The following HYDIN variants were observed in gnomAD, a reference collection of about 807,000 sequenced individuals.
HYDIN encodes the protein axonemal central pair apparatus protein HYDIN.
In HYDIN, 132 loss-of-function variants were observed where a neutral mutation model predicts 403.9. The ratio of observed to expected loss-of-function variants is 0.33; its 90% CI spans 0.28 to 0.38. HYDIN has a LOEUF of 0.38. Among genes scored for constraint, HYDIN ranks in the 10% least tolerant of loss-of-function variants. The probability of loss-of-function intolerance (pLI) is 1.00; values close to 1 mark genes in which losing one functional copy is unlikely to be tolerated. For synonymous variants in HYDIN, 1,202 were observed against 1,891.7 expected, an observed-to-expected ratio of 0.64 and a Z score of 9.46; for missense variants, 2,827 against 5,009.5, an observed-to-expected ratio of 0.56 and a Z score of 13.15.
chr16:71,029,889 G>T (rs11075836), intron 19 of HYDIN, among the ~76,000 whole-genome samples: 1 of 152,090 alleles, frequency 6.6e-6, no homozygotes, highest in Non-Finnish European at 1.5e-5. Context: ...AGCCCAGAAG[G>T]CAGGGGGAAT....
rs775305134 is a variant in HYDIN, at chr16:70,833,929, G to A, written c.13637C>T (p.Thr4546Ile). The part of the protein sequence containing the change: ...FGPVVYQTQA[T>I]RRILMMNTGD... ...TGTGTTCATCATGAGGATGCGACGT[G>A]TGGCTTGCGTCTGATACACCACGGG... is the stretch of plus-strand genomic sequence containing the variant. The change falls in exon 79 of 86, where the codon ACA becomes ATA. Residue 4546 changes from threonine to isoleucine, a missense_variant. Coordinates refer to ENST00000393567, the MANE Select transcript of HYDIN (RefSeq NM_001270974.2). 9.9e-6 allele frequency: 16 copies of A among 1,613,582 alleles called. No homozygotes were observed. Among genetic ancestry groups the A allele is most frequent in the South Asian group, 3.3e-5 (3 of 91,060 alleles).
At chr16:70,867,196 T>G (rs1402414720) in intron 66 of HYDIN, among the ~76,000 whole-genome samples, 6 of 148,834 alleles carry the variant, frequency 4.0e-5, no homozygotes, top group Non-Finnish European at 7.4e-5. Flanking sequence ...AAGGGATAAC[T>G]TGTATGACTA....
intron 39 of HYDIN, among the ~76,000 whole-genome samples, chr16:70,956,518 G>T (rs1232011847): frequency 6.6e-6 from 1 of 152,154 alleles, no homozygotes; most frequent in South Asian, 2.1e-4. Context: ...TGATATGGGG[G>T]GTTAGCCTGG....
intron 1 of HYDIN, among the ~76,000 whole-genome samples, chr16:71,207,353 G>C (rs1212232331): frequency 6.6e-6 from 1 of 152,106 alleles, no homozygotes; most frequent in Non-Finnish European, 1.5e-5. Flanking sequence ...GGAGAAATAA[G>C]ACCCTTTTCA....
At chr16:71,059,110 T>C (rs1194827783) in intron 18 of HYDIN, among the ~76,000 whole-genome samples, 1 of 152,114 alleles carries the variant, frequency 6.6e-6, no homozygotes, top group African/African-American at 2.4e-5. Context: ...AGGTCAAAAG[T>C]TGTATGTTTC....
chr16:71,128,239 G>A (rs2084552674), intron 9 of HYDIN, among the ~76,000 whole-genome samples: 1 of 152,130 alleles, frequency 6.6e-6, no homozygotes, highest in Non-Finnish European at 1.5e-5. Context: ...GTGTCCCAGA[G>A]GATGTCTCCA....
At chr16:71,178,432 A>ATATATAT (rs1555501903) in intron 4 of HYDIN, among the ~76,000 whole-genome samples, 3 of 80,780 alleles carry the variant, frequency 3.7e-5, no homozygotes, top group Admixed American at 1.1e-4. Flanking sequence ...AAAAAAAAAA[A>ATATATAT]AAATATATAT....
At chr16:70,810,327 G>T (rs532751708) in intron 84 of HYDIN, among the ~76,000 whole-genome samples, 156 of 152,330 alleles carry the variant, frequency 1.0e-3, no homozygotes, top group Middle Eastern at 3.4e-3. Flanking sequence ...AGCTTAGGCA[G>T]CTCCTTCTTT....
At chr16:71,024,392 A>G (rs914906550) in intron 21 of HYDIN, among the ~76,000 whole-genome samples, 1 of 152,022 alleles carries the variant, frequency 6.6e-6, no homozygotes, top group Non-Finnish European at 1.5e-5. Context: ...AACTTGAGGC[A>G]CTTGCTCAAG....
intron 32 of HYDIN, 101 bp from the exon 33 acceptor site, chr16:70,974,401 G>A: frequency 6.6e-7 from 1 of 1,515,994 alleles, no homozygotes; most frequent in Non-Finnish European, 8.9e-7. Context: ...CTGCTCAGAG[G>A]ATCACTGAAT....
intron 23 of HYDIN, among the ~76,000 whole-genome samples, chr16:70,994,720 T>C (rs1512635): frequency 0.029 from 4,160 of 145,820 alleles, 201 homozygotes; most frequent in African/African-American, 0.11. Context: ...TGGGTAGGAA[T>C]GGCAGCATGA....
At chr16:71,200,953 T>C (rs532548725) in intron 1 of HYDIN, among the ~76,000 whole-genome samples, 2 of 152,274 alleles carry the variant, frequency 1.3e-5, no homozygotes, top group African/African-American at 2.4e-5. Flanking sequence ...CCTGTTTCCT[T>C]TGATCAAACT....
chr16:70,955,149 C>T (rs545336212), intron 40 of HYDIN, among the ~76,000 whole-genome samples: 129 of 152,254 alleles, frequency 8.5e-4, no homozygotes, highest in Non-Finnish European at 1.7e-3. Flanking sequence ...TATTCATTGT[C>T]CTGGTCCCCA....
At chr16:71,185,559 C>T (rs1030092216) in intron 2 of HYDIN, among the ~76,000 whole-genome samples, 5 of 152,084 alleles carry the variant, frequency 3.3e-5, no homozygotes, top group Admixed American at 1.3e-4. Flanking sequence ...ATTTAGACCT[C>T]GCTTTGAAAG....
At chr16:70,819,593 C>CT (rs935796868) in intron 83 of HYDIN, among the ~76,000 whole-genome samples, 3 of 146,280 alleles carry the variant, frequency 2.1e-5, no homozygotes, top group African/African-American at 7.7e-5. Flanking sequence ...CTGCTCACCT[C>CT]TTTAAGTTCT....
intron 1 of HYDIN, among the ~76,000 whole-genome samples, chr16:71,212,265 G>A (rs768836542): frequency 3.9e-5 from 6 of 152,260 alleles, no homozygotes; most frequent in South Asian, 2.1e-4. Context: ...CTTGGTCTTA[G>A]GAGATACCAG....
At chr16:71,216,843 T>A (rs2088906428) in intron 1 of HYDIN, among the ~76,000 whole-genome samples, 1 of 152,176 alleles carries the variant, frequency 6.6e-6, no homozygotes, top group Non-Finnish European at 1.5e-5. Flanking sequence ...TCGCCTAAGT[T>A]TGGGAAGTGC....
At chr16:71,092,908 C>T (rs2083156070) in intron 11 of HYDIN, among the ~76,000 whole-genome samples, 1 of 143,280 alleles carries the variant, frequency 7.0e-6, no homozygotes, top group East Asian at 2.0e-4. Context: ...AGCACTAGCA[C>T]TGTGCTCAAC....
chr16:70,802,450 A>G lies in HYDIN; in HGVS notation c.*5130T>C, dbSNP rs909907602. 2.0e-5 allele frequency: 3 copies of G among 152,192 alleles called. No individual in the cohort carries two copies. Among genetic ancestry groups the G allele is most frequent in the African/African-American group, 7.2e-5 (3 of 41,446 alleles). The allele number at this position is 152,192 out of a possible 1,614,324, so 9.4% of individuals were successfully genotyped here. ...CGAATCAAGTGAGTACTTAAAAGAG[A>G]TTAGAAGAAATTTGAACTGGAAGAG... On this transcript the variant is annotated 3_prime_UTR_variant, in exon 86 of 86. Transcript: ENST00000393567.
Sources: gnomAD v4.1 joint callset for allele counts (sites outside exome capture counted in the v4.1 genomes callset) on GRCh38, gnomAD v4.1.1 for gene constraint, MANE v1.5 for transcripts, NCBI Gene and HGNC (gene_info 2026-07-23, HGNC 2026-07-21) for gene names.